PTPRQ: variants seen among roughly 807,000 people sequenced by gnomAD.
PTPRQ encodes the protein phosphatidylinositol phosphatase PTPRQ.
In PTPRQ, 199 loss-of-function variants were observed where a neutral mutation model predicts 246.0. That is an observed-to-expected ratio of 0.81 (90% CI 0.72 to 0.91). The LOEUF is 0.91. PTPRQ is among the 40% of genes least tolerant of loss of function. PTPRQ has a pLI of 0.00. For synonymous variants in PTPRQ, 869 were observed against 853.2 expected (o/e 1.02, Z -0.32); for missense variants, 2,624 against 2,528.4 (o/e 1.04, Z -0.81).
chr12:80,541,454 GATGTA>G, intron 20 of PTPRQ, 96 bp from the exon 21 acceptor site: 1 of 854,774 alleles, frequency 1.2e-6, no homozygotes, highest in Non-Finnish European at 1.6e-6. Flanking sequence ...AAGAGCTGAT[GATGTA>G]ATAGTTGCCA....
chr12:80,627,807 G>T (rs1899263298), intron 33 of PTPRQ, among the ~76,000 whole-genome samples: 1 of 152,014 alleles, frequency 6.6e-6, no homozygotes, highest in South Asian at 2.1e-4. Context: ...TCTATTAAAG[G>T]ATTTGGAGAA....
chr12:80,629,732 A>G (rs1407085951), intron 33 of PTPRQ, among the ~76,000 whole-genome samples: 1 of 152,174 alleles, frequency 6.6e-6, no homozygotes, highest in Non-Finnish European at 1.5e-5. Context: ...GTATGTTGAA[A>G]ATAGGTGGAA....
In PTPRQ at chr12:80,493,328, A is replaced by G; in HGVS notation, c.1413A>G (p.Val471=). 1.3e-6 allele frequency: 2 copies of G among 1,548,928 alleles called. No homozygotes were observed. The highest frequency in any genetic ancestry group is 2.4e-5 in the South Asian group (2 of 83,704). Residue 471 remains valine (V), a synonymous_variant, in exon 10 of 45, where the codon GTA becomes GTG. Transcript: ENST00000644991. ...TTGTGAACATAGTAGAGCCAATGGT[A>G]GGATTATATGAGGGTTCAGCAGAGA... ...PEIVNIVEPM[V]GLYEGSAEMS...
chr12:80,667,879 G>A, intron 39 of PTPRQ, among the ~76,000 whole-genome samples: 1 of 151,882 alleles, frequency 6.6e-6, no homozygotes, highest in East Asian at 1.9e-4. Context: ...AGACAGAAAA[G>A]CTGCAGTATA....
chr12:80,653,069 G>A (rs1054972259), intron 38 of PTPRQ, among the ~76,000 whole-genome samples: 4 of 152,120 alleles, frequency 2.6e-5, no homozygotes, highest in Admixed American at 6.6e-5. Context: ...GCAAGAAACT[G>A]TAGACCTAAT....
Position 80,542,256 on chromosome 12 carries a change from A to G in PTPRQ, c.3613A>G (p.Ile1205Val). 1 of 1,550,740 alleles carries G rather than the reference A, an allele frequency of 6.4e-7. No homozygotes were observed. The highest frequency in any genetic ancestry group is 1.2e-5 in the South Asian group (1 of 83,880). ...YSFITSDNYI[I>V]LEELSPFTLY... ...TTTCATTACTTCTGATAATTACATA[A>G]TATTGGAAGAGCTTTCACCATTTAC... Residue 1205 changes from isoleucine to valine, a missense_variant, in exon 22 of 45, where the codon ATA (isoleucine) becomes GTA (valine). Coordinates refer to ENST00000644991, the MANE Select transcript of PTPRQ (RefSeq NM_001145026.2).
chr12:80,621,964 G>T lies in PTPRQ; in HGVS notation c.5613-97G>T, dbSNP rs78579068. The T allele has an allele frequency of 3.8e-3, 3,226 of 847,902 alleles. 76 individuals carry two copies. In the African/African-American group the frequency reaches 0.052, roughly 14 times the overall value. 52.5% of individuals were successfully genotyped at this position (847,902 alleles called of 1,614,324 possible). A position where few individuals can be genotyped will look rare whatever the true frequency, so the allele number is the denominator to read the frequency against. ...TCATCTTGTAAATTCATTTTCTTTT[G>T]AATTAAATAAATAGTTTTTATAATT... On this transcript the variant is annotated intron_variant, in intron 32 of 44. Transcript: ENST00000644991.
At chr12:80,631,015 T>G (rs926119581) in intron 33 of PTPRQ, among the ~76,000 whole-genome samples, 1 of 152,118 alleles carries the variant, frequency 6.6e-6, no homozygotes, top group Non-Finnish European at 1.5e-5. Context: ...TGCCCAGCCC[T>G]GTTTATTAAT....
Position 80,588,245 on chromosome 12 carries a change from C to A in PTPRQ, c.4402C>A (p.Gln1468Lys). The change falls in exon 26 of 45, where the codon CAA becomes AAA. Residue 1468 changes from glutamine (Q) to lysine (K), a missense_variant. Transcript: ENST00000644991. ...GYFQNYKITT[Q>K]LRAQKCKEWE... The stretch of plus-strand genomic sequence containing the variant: ...CTTTCAAAATTACAAAATTACCACT[C>A]AACTTCGTGCTCAAAAATGCAAAGA... 1 of 1,551,598 alleles carries A rather than the reference C, an allele frequency of 6.4e-7. No individual in the cohort carries two copies. Among genetic ancestry groups the A allele is most frequent in the South Asian group, 1.2e-5 (1 of 84,050 alleles).
chr12:80,466,869 A>G (rs993762735), intron 6 of PTPRQ, among the ~76,000 whole-genome samples: 1 of 152,150 alleles, frequency 6.6e-6, no homozygotes, highest in Non-Finnish European at 1.5e-5. Context: ...AGATAGATTA[A>G]AGACTTAAAT....
intron 39 of PTPRQ, among the ~76,000 whole-genome samples, chr12:80,665,099 A>G (rs990439216): frequency 6.6e-6 from 1 of 151,846 alleles, no homozygotes; most frequent in African/African-American, 2.4e-5. Flanking sequence ...CCAAAATCTC[A>G]AAAGTAGGGA....
At chr12:80,460,631 T>C (rs1893131065) in intron 5 of PTPRQ, 22 bp from the exon 6 acceptor site, 1 of 398,516 alleles carries the variant, frequency 2.5e-6, no homozygotes, top group East Asian at 3.6e-5. Flanking sequence ...TATTTCTCTA[T>C]TGATCTTATT....
intron 39 of PTPRQ, among the ~76,000 whole-genome samples, chr12:80,658,574 T>C (rs1163016): frequency 0.5 from 76,173 of 151,836 alleles, 22,128 homozygotes; most frequent in African/African-American, 0.81. Flanking sequence ...AGGAAGTGCC[T>C]TGAATTTGAC....
intron 43 of PTPRQ, among the ~76,000 whole-genome samples, 200 bp downstream of exon 43, chr12:80,673,504 T>A (rs1901038843): frequency 6.6e-6 from 1 of 152,106 alleles, no homozygotes; most frequent in African/African-American, 2.4e-5. Context: ...ATAGTCACCC[T>A]GCAGCATTGT....
chr12:80,677,224 G>T (rs1205854823), intron 43 of PTPRQ, among the ~76,000 whole-genome samples: 7 of 152,090 alleles, frequency 4.6e-5, no homozygotes, highest in African/African-American at 1.4e-4. Context: ...TTTCCAAAAA[G>T]ATTATATTGT....
chr12:80,635,109 G>A (rs551933457), intron 35 of PTPRQ, 36 bp downstream of exon 35: 188 of 1,545,502 alleles, frequency 1.2e-4, no homozygotes, highest in Non-Finnish European at 1.6e-4. Flanking sequence ...GTGGTCCAGA[G>A]GGCCTGGAGC....
intron 35 of PTPRQ, among the ~76,000 whole-genome samples, chr12:80,648,313 T>C (rs1900144268): frequency 6.6e-6 from 1 of 152,120 alleles, no homozygotes; most frequent in Non-Finnish European, 1.5e-5. Flanking sequence ...GTGTATGTTG[T>C]GTAGCCTATT....
rs1264451681 is a variant in PTPRQ at position 80,642,868 on chromosome 12, C to T, written c.5916-6029C>T. Among the ~76,000 whole-genome samples, 3 of 138,588 alleles carry T rather than the reference C, an allele frequency of 2.2e-5. No individual in the cohort carries two copies. In the Admixed American group the frequency reaches 2.3e-4, roughly 11 times the overall value. The allele number at this position is 138,588 out of a possible 152,430, so 90.9% of individuals were successfully genotyped here. A position where few individuals can be genotyped will look rare whatever the true frequency, so the allele number is the denominator to read the frequency against. Reference sequence around the variant, plus strand: ...CCGGGAGGCGGAGCTTGCAGTGAGCCGAGATCCCGCCACTGCACTCCAGCC... The same window carrying T: ...CCGGGAGGCGGAGCTTGCAGTGAGCTGAGATCCCGCCACTGCACTCCAGCC... On this transcript the variant is annotated intron_variant, in intron 35 of 44. Transcript: ENST00000644991.
intron 3 of PTPRQ, among the ~76,000 whole-genome samples, chr12:80,454,958 C>T (rs1400444492): frequency 3.3e-5 from 5 of 152,162 alleles, no homozygotes; most frequent in Admixed American, 2.0e-4. Flanking sequence ...GGGCGGATCA[C>T]CTGAGGAGTT....
Sources: allele counts gnomAD v4.1 joint callset (sites outside exome capture counted in the v4.1 genomes callset), GRCh38; gene constraint gnomAD v4.1.1; transcripts MANE v1.5; gene names NCBI Gene and HGNC (gene_info 2026-07-23, HGNC 2026-07-21).